Variants in ZMAT4 observed in about 807,000 individuals in gnomAD.
The protein encoded by ZMAT4 is zinc finger matrin-type protein 4.
A neutral mutation model predicts 28.7 loss-of-function variants in ZMAT4; 17 were observed. The observed-to-expected ratio is 0.59, with a 90% confidence interval of 0.41 to 0.89. The LOEUF is 0.89. ZMAT4 is among the 40% of genes least tolerant of loss of function. The pLI, the probability that ZMAT4 is intolerant of heterozygous loss-of-function variation, is 0.00. For missense variants in ZMAT4, 240 were observed against 283.8 expected, an observed-to-expected ratio of 0.85 and a Z score of 1.11; for synonymous variants, 117 against 109.2, an observed-to-expected ratio of 1.07 and a Z score of -0.44.
At chr8:40,650,068 C>T (rs1807560862) in intron 5 of ZMAT4, among the ~76,000 whole-genome samples, 1 of 152,026 alleles carries the variant, frequency 6.6e-6, no homozygotes, top group African/African-American at 2.4e-5. Flanking sequence ...CAAGAAATAA[C>T]TAAAATCAGA....
intron 4 of ZMAT4, among the ~76,000 whole-genome samples, chr8:40,688,293 TA>T (rs1809507352): frequency 6.6e-6 from 1 of 151,978 alleles, no homozygotes; most frequent in African/African-American, 2.4e-5. Flanking sequence ...CCATCTCTAC[TA>T]AAAATACAAA....
intron 1 of ZMAT4, among the ~76,000 whole-genome samples, chr8:40,888,873 T>A (rs369261661): frequency 6.6e-6 from 1 of 152,214 alleles, no homozygotes; most frequent in African/African-American, 2.4e-5. Context: ...GCCAAAGGCA[T>A]GGCTTCTGGG....
chr8:40,687,161 G>C (rs1809446436), intron 4 of ZMAT4, among the ~76,000 whole-genome samples: 1 of 152,194 alleles, frequency 6.6e-6, no homozygotes, highest in African/African-American at 2.4e-5. Context: ...AAAAGTATAT[G>C]ATGCAGGATA....
rs17562314 is a variant in ZMAT4, at chr8:40,837,816, G to A, written c.-4-12136C>T. On this transcript the variant is annotated intron_variant, in intron 1 of 6. Transcript: ENST00000297737. The stretch of plus-strand genomic sequence containing the variant: ...GGACAAGGCGTGTGTCCTGGTACAC[G>A]GGCTGGGAGCATCTTTACAGATGAG... 5.1e-3 allele frequency among the ~76,000 whole-genome samples: 770 copies of A among 152,288 alleles called. 3 individuals carry two copies. Among genetic ancestry groups the A allele is most frequent in the Non-Finnish European group, 8.2e-3 (557 of 68,012 alleles).
chr8:40,780,919 C>T (rs922400730), intron 2 of ZMAT4, among the ~76,000 whole-genome samples: 4 of 152,182 alleles, frequency 2.6e-5, no homozygotes, highest in Non-Finnish European at 5.9e-5. Context: ...GTGAAAAACC[C>T]TACCAGCAAA....
At chr8:40,824,782 T>C (rs572478449) in intron 2 of ZMAT4, among the ~76,000 whole-genome samples, 1 of 140,108 alleles carries the variant, frequency 7.1e-6, no homozygotes, top group Non-Finnish European at 1.6e-5. Flanking sequence ...AGAAAGAAAA[T>C]AAAGAAATTC....
At chr8:40,725,778 GA>G (rs1372945473) in intron 3 of ZMAT4, among the ~76,000 whole-genome samples, 1 of 151,626 alleles carries the variant, frequency 6.6e-6, no homozygotes, top group Non-Finnish European at 1.5e-5. Context: ...TCAAAAAAAA[GA>G]AAAAAAGAAA....
intron 1 of ZMAT4, among the ~76,000 whole-genome samples, chr8:40,833,403 A>G (rs1816356447): frequency 6.6e-6 from 1 of 152,010 alleles, no homozygotes; most frequent in Non-Finnish European, 1.5e-5. Flanking sequence ...CCCCATCTCT[A>G]TTAAAAATAC....
chr8:40,801,341 T>A (rs1201302103), intron 2 of ZMAT4, among the ~76,000 whole-genome samples: 3 of 114,654 alleles, frequency 2.6e-5, no homozygotes, highest in Non-Finnish European at 3.6e-5. Context: ...ATACTTTCTT[T>A]AAAAAAAAAA....
At chr8:40,742,749 G>GCACACA (rs10533331) in intron 3 of ZMAT4, among the ~76,000 whole-genome samples, 8 of 5,576 alleles carry the variant, frequency 1.4e-3, no homozygotes, top group African/African-American at 1.9e-3. Flanking sequence ...GTGCACGCAT[G>GCACACA]CACACACACA....
At chr8:40,826,737 C>A (rs1170137152) in intron 1 of ZMAT4, among the ~76,000 whole-genome samples, 1 of 152,102 alleles carries the variant, frequency 6.6e-6, no homozygotes, top group African/African-American at 2.4e-5. Flanking sequence ...CACAAATGAT[C>A]CCACAAAGTA....
chr8:40,634,043 C>T (rs146548445), intron 5 of ZMAT4, among the ~76,000 whole-genome samples: 3 of 152,222 alleles, frequency 2.0e-5, no homozygotes, highest in Non-Finnish European at 4.4e-5. Context: ...GTCACATGAA[C>T]CACTGCTGTC....
rs572111344 is a variant in ZMAT4, at chr8:40,679,749, T to A, written c.350-4818A>T. ...CCATATCAGTCTCTATCAGAAAATT[T>A]CCTCATTCTGTAATTGTCTACATTG... is the stretch of plus-strand genomic sequence containing the variant. On this transcript the variant is annotated intron_variant, in intron 4 of 6. Transcript: ENST00000297737. Among the ~76,000 whole-genome samples the A allele has an allele frequency of 1.4e-4, 22 of 152,340 alleles. No homozygotes were observed. The South Asian group carries it at 2.5e-3, about 17-fold the overall frequency.
rs1308013952 is a variant in ZMAT4, at chr8:40,558,804, G to A, written c.674+22361C>T. Among the ~76,000 whole-genome samples the A allele has an allele frequency of 2.6e-5, 4 of 151,888 alleles. No homozygotes were observed. The South Asian group carries it at 8.3e-4, about 32-fold the overall frequency. On this transcript the variant is annotated intron_variant, in intron 6 of 6. Coordinates refer to ENST00000297737, the MANE Select transcript of ZMAT4 (RefSeq NM_024645.3). ...AGGGGACCCCAGAGATCCCAGCCACGACAGGATGAGAGGTCAGATATGCCT... is the reference window on the plus strand; with the variant it reads ...AGGGGACCCCAGAGATCCCAGCCACAACAGGATGAGAGGTCAGATATGCCT...
chr8:40,750,299 C>T (rs921146591), intron 3 of ZMAT4, among the ~76,000 whole-genome samples: 2 of 152,088 alleles, frequency 1.3e-5, no homozygotes, highest in Non-Finnish European at 2.9e-5. Flanking sequence ...CTTCGTTCTG[C>T]AAGAATAATA....
At chr8:40,551,441 T>C (rs1262055429) in intron 6 of ZMAT4, among the ~76,000 whole-genome samples, 6 of 152,220 alleles carry the variant, frequency 3.9e-5, no homozygotes, top group Non-Finnish European at 2.9e-5. Flanking sequence ...ATCAAGGCTT[T>C]AACATTTTGC....
At chr8:40,597,694 A>G (rs1199763368) in intron 5 of ZMAT4, among the ~76,000 whole-genome samples, 1 of 152,206 alleles carries the variant, frequency 6.6e-6, no homozygotes, top group East Asian at 1.9e-4. Context: ...TTGGTAACTC[A>G]TATCTCTGAG....
chr8:40,789,787 T>A (rs1334181802), intron 2 of ZMAT4, among the ~76,000 whole-genome samples: 1 of 152,158 alleles, frequency 6.6e-6, no homozygotes. Context: ...CTATCTGCAG[T>A]AATGAGTCCA....
intron 3 of ZMAT4, among the ~76,000 whole-genome samples, chr8:40,714,567 C>A: frequency 6.6e-6 from 1 of 152,118 alleles, no homozygotes; most frequent in East Asian, 1.9e-4. Context: ...TATGGGGTGT[C>A]AACCCTCCAC....
Sources: gnomAD v4.1 joint callset for allele counts (sites outside exome capture counted in the v4.1 genomes callset) on GRCh38, gnomAD v4.1.1 for gene constraint, MANE v1.5 for transcripts, NCBI Gene and HGNC (gene_info 2026-07-23, HGNC 2026-07-21) for gene names.